Variants in ARL3 observed in about 807,000 individuals in gnomAD.
ARL3 encodes the protein ADP-ribosylation factor-like protein 3.
ARL3 carries 9 observed loss-of-function variants against 26.0 expected under a neutral mutation model. That is an observed-to-expected ratio of 0.35 (90% CI 0.21 to 0.60). The LOEUF (loss-of-function observed/expected upper bound fraction) is 0.60. ARL3 is among the 20% of genes least tolerant of loss of function. The pLI, the probability that ARL3 is intolerant of heterozygous loss-of-function variation, is 0.78. For missense variants in ARL3, 158 were observed against 215.7 expected (o/e 0.73, Z 1.67); for synonymous variants, 71 against 78.4 (o/e 0.91, Z 0.50).
chr10:102,692,704 T>G (rs1423872582), intron 3 of ARL3, among the ~76,000 whole-genome samples: 1 of 145,932 alleles, frequency 6.9e-6, no homozygotes, highest in African/African-American at 2.6e-5. Flanking sequence ...GTGTGAGCCC[T>G]CCGTGTCTTT....
At chr10:102,707,920 C>CT (rs893526735) in intron 1 of ARL3, among the ~76,000 whole-genome samples, 13 of 151,472 alleles carry the variant, frequency 8.6e-5, no homozygotes, top group African/African-American at 2.9e-4. Context: ...TTTCCTTTTT[C>CT]TTTTTTTTGG....
chr10:102,686,019 A>T lies in ARL3; in HGVS notation c.316-18T>A. 6.3e-7 allele frequency: 1 copy of T among 1,593,218 alleles called. No homozygotes were observed. The highest frequency in any genetic ancestry group is 1.7e-5 in the Admixed American group (1 of 58,938). On this transcript the variant is annotated intron_variant, in intron 4 of 5. Coordinates refer to ENST00000260746, the MANE Select transcript of ARL3 (RefSeq NM_004311.4). ...GCTAGTTCCTGGATTTTGAGAAGGGAGAGGGAGGGAAGGTTAAAATCTATA... is the reference window on the plus strand; with the variant it reads ...GCTAGTTCCTGGATTTTGAGAAGGGTGAGGGAGGGAAGGTTAAAATCTATA...
chr10:102,701,301 T>C (rs1424512756), intron 2 of ARL3, among the ~76,000 whole-genome samples: 3 of 152,114 alleles, frequency 2.0e-5, no homozygotes, highest in Non-Finnish European at 2.9e-5. Context: ...ATAACTGGAG[T>C]TAGATAGCTT....
At chr10:102,714,190 T>A (rs1228975339) in intron 1 of ARL3, 83 bp downstream of exon 1, 2 of 1,301,212 alleles carry the variant, frequency 1.5e-6, no homozygotes, top group Non-Finnish European at 2.0e-6. Context: ...TCCTTGGCTT[T>A]AAGCGCAGTG....
At chr10:102,678,658 T>C (rs1009421964) in intron 5 of ARL3, among the ~76,000 whole-genome samples, 2 of 152,224 alleles carry the variant, frequency 1.3e-5, no homozygotes, top group East Asian at 1.9e-4. Flanking sequence ...ACTATGTGAA[T>C]AGCGCTTTGC....
At chr10:102,702,020 CAAAA>C (rs34993485) in intron 2 of ARL3, among the ~76,000 whole-genome samples, 15 of 117,660 alleles carry the variant, frequency 1.3e-4, no homozygotes, top group East Asian at 2.4e-4. Flanking sequence ...CCATCTCTAC[CAAAA>C]AAAAAAAAAA....
At chr10:102,683,672 T>A (rs1482773305) in intron 5 of ARL3, among the ~76,000 whole-genome samples, 1 of 152,150 alleles carries the variant, frequency 6.6e-6, no homozygotes. Context: ...CTCCCCTGCC[T>A]GTCCCCAACC....
chr10:102,697,400 A>G (rs566568219), intron 3 of ARL3, among the ~76,000 whole-genome samples: 1 of 152,256 alleles, frequency 6.6e-6, no homozygotes, highest in Admixed American at 6.5e-5. Flanking sequence ...GCTAGTCTTG[A>G]ATTCCTGACC....
In ARL3 at chr10:102,674,254, GCTGA is replaced by G. The variant is rs2064119223; in HGVS notation, c.*2636_*2639del. The G allele has an allele frequency of 6.6e-6, 1 of 152,306 alleles. No individual in the cohort carries two copies. The allele number at this position is 152,306 out of a possible 1,614,324, so 9.4% of individuals were successfully genotyped here. A position where few individuals can be genotyped will look rare whatever the true frequency, so the allele number is the denominator to read the frequency against. On this transcript the variant is annotated 3_prime_UTR_variant, in exon 6 of 6. Transcript: ENST00000260746. ...CACATTTCTAACCGCCGGCATAATCGCTGACTTTCAGCTGTGCACCGACATGTTC... is the reference window on the plus strand; with the variant it reads ...CACATTTCTAACCGCCGGCATAATCGCTTTCAGCTGTGCACCGACATGTTC...
intron 4 of ARL3, among the ~76,000 whole-genome samples, chr10:102,689,328 AG>A (rs1223793980): frequency 2.0e-5 from 3 of 152,030 alleles, no homozygotes; most frequent in African/African-American, 4.8e-5. Context: ...TCCGTTTTGG[AG>A]GGGGGAAAAA....
At chr10:102,698,620 G>A (rs752981492) in intron 3 of ARL3, among the ~76,000 whole-genome samples, 79 of 152,144 alleles carry the variant, frequency 5.2e-4, no homozygotes, top group Non-Finnish European at 8.5e-4. Context: ...GAGAGGCTGA[G>A]GTTTTGTGGA....
At chr10:102,695,528 T>A (rs995857139) in intron 3 of ARL3, among the ~76,000 whole-genome samples, 6 of 152,268 alleles carry the variant, frequency 3.9e-5, no homozygotes, top group Non-Finnish European at 5.9e-5. Flanking sequence ...TTTAAAATTT[T>A]TTTTTTGTTT....
At chr10:102,699,306 A>G in intron 3 of ARL3, 67 bp downstream of exon 3, 1 of 880,732 alleles carries the variant, frequency 1.1e-6, no homozygotes, top group Non-Finnish European at 1.8e-6. Flanking sequence ...AAAGAATGTT[A>G]CAGTGTCCAT....
chr10:102,684,261 G>A (rs1248467310), intron 5 of ARL3, among the ~76,000 whole-genome samples: 1 of 152,006 alleles, frequency 6.6e-6, no homozygotes, highest in African/African-American at 2.4e-5. Flanking sequence ...CCATTCTCCT[G>A]CCTCAGCCTC....
chr10:102,688,936 G>GA (rs1417998783), intron 4 of ARL3, among the ~76,000 whole-genome samples: 1 of 152,182 alleles, frequency 6.6e-6, no homozygotes, highest in Non-Finnish European at 1.5e-5. Context: ...CATGGCCTGG[G>GA]AAAAAACCTG....
intron 5 of ARL3, among the ~76,000 whole-genome samples, chr10:102,677,679 G>A (rs1298983861): frequency 6.6e-6 from 1 of 152,198 alleles, no homozygotes; most frequent in Non-Finnish European, 1.5e-5. Context: ...TGCCAGGCCT[G>A]TCAGAGGTGA....
chr10:102,697,250 G>C (rs1031342037), intron 3 of ARL3, among the ~76,000 whole-genome samples: 1 of 151,696 alleles, frequency 6.6e-6, no homozygotes, highest in Non-Finnish European at 1.5e-5. Flanking sequence ...CGCAATCTTG[G>C]CTCACCGCAA....
chr10:102,693,609 A>C (rs1023372130), intron 3 of ARL3, among the ~76,000 whole-genome samples: 4 of 152,134 alleles, frequency 2.6e-5, no homozygotes, highest in Non-Finnish European at 4.4e-5. Flanking sequence ...TTTTGCAAAT[A>C]TTTTCTCCCA....
At chr10:102,706,390 T>C (rs2064311543) in intron 1 of ARL3, among the ~76,000 whole-genome samples, 1 of 151,902 alleles carries the variant, frequency 6.6e-6, no homozygotes, top group Non-Finnish European at 1.5e-5. Context: ...AGGCGGAGGT[T>C]GCAGTGAGCC....
Sources: gnomAD v4.1 joint callset for allele counts (sites outside exome capture counted in the v4.1 genomes callset) on GRCh38, gnomAD v4.1.1 for gene constraint, MANE v1.5 for transcripts, NCBI Gene and HGNC (gene_info 2026-07-23, HGNC 2026-07-21) for gene names.